The following CCSER2 variants were observed in gnomAD, a reference collection of about 807,000 sequenced individuals.
CCSER2 encodes the protein coiled-coil serine rich protein 2.
In CCSER2, 46 loss-of-function variants were observed where a neutral mutation model predicts 92.3. The observed-to-expected ratio is 0.50, with a 90% CI of 0.39 to 0.64. The LOEUF (loss-of-function observed/expected upper bound fraction) is 0.64, where lower values mean the gene tolerates loss of function less well. CCSER2 is among the 30% of genes least tolerant of loss of function. CCSER2 has a pLI of 0.00. For missense variants in CCSER2, 1,244 were observed against 1,238.9 expected (o/e 1.00, Z -0.06); for synonymous variants, 433 against 431.4 (o/e 1.00, Z -0.04).
chr10:84,505,952 A>G (rs556290139), intron 9 of CCSER2, among the ~76,000 whole-genome samples: 1 of 152,234 alleles, frequency 6.6e-6, no homozygotes, highest in East Asian at 1.9e-4. Context: ...TCTATTGATC[A>G]CATCAATGGA....
chr10:84,423,513 A>C (rs1451561849), intron 4 of CCSER2, among the ~76,000 whole-genome samples: 1 of 152,204 alleles, frequency 6.6e-6, no homozygotes, highest in African/African-American at 2.4e-5. Flanking sequence ...AATTGCTCAC[A>C]ATATTTAACC....
chr10:84,499,528 C>T (rs1398931063), intron 9 of CCSER2, among the ~76,000 whole-genome samples: 1 of 152,042 alleles, frequency 6.6e-6, no homozygotes, highest in Non-Finnish European at 1.5e-5. Context: ...TCTATCTCCC[C>T]CTTTAAATTC....
At chr10:84,506,607 C>A (rs1256264952) in intron 9 of CCSER2, among the ~76,000 whole-genome samples, 1 of 151,970 alleles carries the variant, frequency 6.6e-6, no homozygotes, top group Non-Finnish European at 1.5e-5. Context: ...GTCTGGCCAA[C>A]ATAGTGAAAC....
At chr10:84,508,729 T>C (rs1849196638) in intron 9 of CCSER2, among the ~76,000 whole-genome samples, 1 of 152,196 alleles carries the variant, frequency 6.6e-6, no homozygotes, top group Admixed American at 6.5e-5. Flanking sequence ...TATTGAACTA[T>C]GTATTTGAAG....
chr10:84,386,279 A>G (rs1256910492), intron 3 of CCSER2, among the ~76,000 whole-genome samples: 2 of 152,268 alleles, frequency 1.3e-5, no homozygotes, highest in African/African-American at 4.8e-5. Flanking sequence ...TCAAAATGAT[A>G]TCTGCACTTG....
In CCSER2 at chr10:84,477,648, C is replaced by T. The variant is rs945952687; in HGVS notation, c.2309C>T (p.Pro770Leu). Residue 770 changes from proline (P) to leucine (L), a missense_variant, in exon 9 of 10, where the codon CCC becomes CTC. By Grantham distance (98) the Pro-to-Leu change is moderately conservative. Coordinates refer to ENST00000372088, the MANE Select transcript of CCSER2 (RefSeq NM_001284240.2). ...TATGCTGATAAATATACCCAAACAC[C>T]CTGGAGACGAATTCCTGTAAGTAAC... ...CTYADKYTQT[P>L]WRRIPPQVLQ... 2 of 1,598,752 alleles carry T rather than the reference C, an allele frequency of 1.3e-6. No individual in the cohort carries two copies. The highest frequency in any genetic ancestry group is 3.4e-5 in the Admixed American group (2 of 59,664).
chr10:84,352,300 C>A (rs1844907873), intron 1 of CCSER2, among the ~76,000 whole-genome samples: 1 of 133,162 alleles, frequency 7.5e-6, no homozygotes, highest in Non-Finnish European at 1.7e-5. Flanking sequence ...AAGACTCTGT[C>A]TCAAAAAAAA....
chr10:84,427,042 G>A (rs1321004639), intron 5 of CCSER2, among the ~76,000 whole-genome samples: 1 of 152,036 alleles, frequency 6.6e-6, no homozygotes, highest in Non-Finnish European at 1.5e-5. Flanking sequence ...TGCAAAAGGT[G>A]GTAAAAAATA....
At chr10:84,433,900 C>G (rs1422102833) in intron 5 of CCSER2, among the ~76,000 whole-genome samples, 2 of 152,140 alleles carry the variant, frequency 1.3e-5, no homozygotes, top group Non-Finnish European at 2.9e-5. Context: ...ACCCATATCT[C>G]TAATGGTTCA....
rs75511934 is a variant in CCSER2 at position 84,345,252 on chromosome 10, G to C, written c.-40+16444G>C. ...TTTGAGAACTATTGCAAATTATCAC[G>C]TGCATTATATTCCATGAGTTGGGGA... On this transcript the variant is annotated intron_variant, in intron 1 of 9. Transcript: ENST00000372088. Among the ~76,000 whole-genome samples the C allele has an allele frequency of 2.7e-3, 410 of 152,286 alleles. 15 individuals carry two copies. In the East Asian group the frequency reaches 0.07, roughly 26 times the overall value.
intron 3 of CCSER2, among the ~76,000 whole-genome samples, chr10:84,383,406 GT>G: frequency 6.6e-6 from 1 of 152,184 alleles, no homozygotes. Flanking sequence ...CACCTCCTGA[GT>G]TCACGCCACT....
intron 6 of CCSER2, among the ~76,000 whole-genome samples, chr10:84,439,943 G>T (rs1334811268): frequency 2.6e-5 from 4 of 152,174 alleles, no homozygotes; most frequent in African/African-American, 9.7e-5. Flanking sequence ...GTAGGGAATG[G>T]TGGGAAATAG....
intron 6 of CCSER2, among the ~76,000 whole-genome samples, chr10:84,447,124 G>T (rs1844971803): frequency 1.3e-5 from 2 of 151,768 alleles, no homozygotes; most frequent in African/African-American, 4.8e-5. Context: ...ATTAGAATTG[G>T]AATTTCTGAG....
intron 7 of CCSER2, among the ~76,000 whole-genome samples, chr10:84,465,902 C>G (rs1258817459): frequency 6.6e-6 from 1 of 152,040 alleles, no homozygotes; most frequent in Non-Finnish European, 1.5e-5. Context: ...AGGTGCCCAC[C>G]ACCGCGCCCA....
intron 6 of CCSER2, chr10:84,455,647 A>G (rs1462597667): frequency 3.0e-6 from 2 of 664,694 alleles, no homozygotes; most frequent in Non-Finnish European, 5.7e-6. Flanking sequence ...CTTCCACAGA[A>G]ATGAGTTTCA....
intron 9 of CCSER2, among the ~76,000 whole-genome samples, chr10:84,483,556 T>C (rs1847580608): frequency 6.6e-6 from 1 of 152,040 alleles, no homozygotes; most frequent in African/African-American, 2.4e-5. Flanking sequence ...AGGAGACAGA[T>C]TTTACCTAGT....
In CCSER2 at chr10:84,499,891, C is replaced by T. The variant is rs1191437024; in HGVS notation, c.2326-13558C>T. On this transcript the variant is annotated intron_variant, in intron 9 of 9. Transcript: ENST00000372088. ...TCTGCACAGGGTGGGTATTCTGCTC[C>T]CTCCTTCTCTCCTTGGCAGGGCTCC... The T allele has an allele frequency of 6.2e-7, 1 of 1,613,856 alleles. No homozygotes were observed. The highest frequency in any genetic ancestry group is 1.3e-5 in the African/African-American group (1 of 74,862).
intron 1 of CCSER2, among the ~76,000 whole-genome samples, chr10:84,358,154 T>C (rs143487988): frequency 0.01 from 1,525 of 152,306 alleles, 7 homozygotes; most frequent in South Asian, 0.028. Flanking sequence ...AAAGTTAGCA[T>C]GGAGTTTAAA....
intron 3 of CCSER2, among the ~76,000 whole-genome samples, chr10:84,375,875 TC>T (rs1299948052): frequency 1.3e-5 from 2 of 151,214 alleles, no homozygotes; most frequent in Non-Finnish European, 3.0e-5. Flanking sequence ...TTTTTTTTTT[TC>T]CTACAGTGGT....
Sources: gnomAD v4.1 joint callset for allele counts (sites outside exome capture counted in the v4.1 genomes callset) on GRCh38, gnomAD v4.1.1 for gene constraint, MANE v1.5 for transcripts, NCBI Gene and HGNC (gene_info 2026-07-23, HGNC 2026-07-21) for gene names.